ACTR3C: variants seen among roughly 807,000 people sequenced by gnomAD.
ACTR3C encodes the protein actin-related protein 3C.
Under a neutral mutation model 26.3 loss-of-function variants are expected in ACTR3C, and 18 were observed. That is an observed-to-expected ratio of 0.68 (90% CI 0.47 to 1.01). ACTR3C has a LOEUF of 1.01. Among genes scored for constraint, ACTR3C ranks in the 50% least tolerant of loss-of-function variants. The pLI, the probability that ACTR3C is intolerant of heterozygous loss-of-function variation, is 0.00. For missense variants in ACTR3C, 184 were observed against 250.7 expected, an observed-to-expected ratio of 0.73 and a Z score of 1.80; for synonymous variants, 55 against 94.5, an observed-to-expected ratio of 0.58 and a Z score of 2.42.
At chr7:150,283,950 A>G (rs1283124952) in intron 6 of ACTR3C, among the ~76,000 whole-genome samples, 1 of 151,204 alleles carries the variant, frequency 6.6e-6, no homozygotes, top group East Asian at 1.9e-4. Context: ...CAATAATCAT[A>G]TAGACTAGAT....
At chr7:149,949,055 C>T in the ACTR3C span, among the ~76,000 whole-genome samples, 9 of 147,002 alleles carry the variant, frequency 6.1e-5, no homozygotes, top group South Asian at 8.5e-4. Context: ...GCAGCTCACA[C>T]TTGTAATCCC....
intron 4 of ACTR3C, among the ~76,000 whole-genome samples, chr7:150,287,594 T>C (rs1010922208): frequency 6.6e-6 from 1 of 152,192 alleles, no homozygotes; most frequent in African/African-American, 2.4e-5. Context: ...CTGAGCACAC[T>C]GTGGAAGGAA....
chr7:149,892,729 C>T, the ACTR3C span, among the ~76,000 whole-genome samples: 1 of 118,554 alleles, frequency 8.4e-6, no homozygotes, highest in African/African-American at 2.7e-5. Context: ...TCAGTAGGTT[C>T]CAAATTTAAA....
At chr7:149,981,064 G>A in the ACTR3C span, among the ~76,000 whole-genome samples, 2 of 151,944 alleles carry the variant, frequency 1.3e-5, no homozygotes, top group African/African-American at 4.8e-5. Context: ...AATAACTTCT[G>A]TAAGTTTGTA....
the ACTR3C span, among the ~76,000 whole-genome samples, chr7:150,121,095 A>G: frequency 1.3e-5 from 2 of 152,216 alleles, no homozygotes; most frequent in African/African-American, 4.8e-5. Context: ...CAAAATAATA[A>G]GAACTATTTA....
chr7:150,199,653 TAA>T, the ACTR3C span, among the ~76,000 whole-genome samples: 99 of 74,860 alleles, frequency 1.3e-3, no homozygotes, highest in African/African-American at 3.5e-3. Context: ...AAAAAATAAA[TAA>T]AAAAAAATAA....
At chr7:150,112,922 C>A in the ACTR3C span, among the ~76,000 whole-genome samples, 1 of 152,188 alleles carries the variant, frequency 6.6e-6, no homozygotes, top group Non-Finnish European at 1.5e-5. Flanking sequence ...TGTATTTATG[C>A]TGCTGCATCA....
chr7:150,039,187 G>A, the ACTR3C span, among the ~76,000 whole-genome samples: 44 of 147,084 alleles, frequency 3.0e-4, no homozygotes, highest in African/African-American at 2.5e-4. Flanking sequence ...TCCCCGCCTC[G>A]CGGGGGGTGC....
the ACTR3C span, among the ~76,000 whole-genome samples, chr7:150,028,720 C>A: frequency 6.6e-6 from 1 of 152,232 alleles, no homozygotes; most frequent in Non-Finnish European, 1.5e-5. Context: ...GTGCTACGTG[C>A]CTCGGGTTCG....
At chr7:150,123,774 C>T in the ACTR3C span, among the ~76,000 whole-genome samples, 2 of 152,170 alleles carry the variant, frequency 1.3e-5, no homozygotes, top group East Asian at 3.9e-4. Context: ...GAGCCAGAAG[C>T]TCCTGCAGCT....
At chr7:149,965,016 T>G in the ACTR3C span, among the ~76,000 whole-genome samples, 2 of 152,122 alleles carry the variant, frequency 1.3e-5, no homozygotes, top group African/African-American at 4.8e-5. Context: ...TATGTAAGAG[T>G]GTAAAAATGA....
At chr7:150,300,223 T>G (rs977556479) in intron 1 of ACTR3C, among the ~76,000 whole-genome samples, 1 of 151,924 alleles carries the variant, frequency 6.6e-6, no homozygotes, top group South Asian at 2.1e-4. Flanking sequence ...TGGTGGCACA[T>G]ACCTGTAGTC....
chr7:150,287,466 A>T (rs1406026066), intron 4 of ACTR3C, among the ~76,000 whole-genome samples: 1 of 151,914 alleles, frequency 6.6e-6, no homozygotes, highest in Non-Finnish European at 1.5e-5. Flanking sequence ...GGTAAGATGA[A>T]TGTTCTTGGA....
At chr7:149,899,602 T>TAAAAAAAA in the ACTR3C span, among the ~76,000 whole-genome samples, 963 of 118,080 alleles carry the variant, frequency 8.2e-3, 1 homozygote, top group Middle Eastern at 0.027. Context: ...CTGGAAGAAG[T>TAAAAAAAA]AAAAAAAAAA....
the ACTR3C span, among the ~76,000 whole-genome samples, chr7:149,891,642 T>C: frequency 2.6e-5 from 4 of 151,548 alleles, no homozygotes; most frequent in East Asian, 3.9e-4. Flanking sequence ...CTGGGCAACA[T>C]AGCAAGACAC....
chr7:149,977,270 G>T, the ACTR3C span, among the ~76,000 whole-genome samples: 1 of 152,170 alleles, frequency 6.6e-6, no homozygotes, highest in African/African-American at 2.4e-5. Context: ...CTTCAAGGTG[G>T]CGAGTCAACA....
chr7:150,033,708 A>C, the ACTR3C span, among the ~76,000 whole-genome samples: 2 of 151,310 alleles, frequency 1.3e-5, no homozygotes, highest in Admixed American at 6.6e-5. Context: ...TGGGGGTACT[A>C]ACAACCAGGG....
At chr7:150,096,350 C>T in the ACTR3C span, among the ~76,000 whole-genome samples, 1 of 151,224 alleles carries the variant, frequency 6.6e-6, no homozygotes, top group Non-Finnish European at 1.5e-5. Context: ...GTAAATGTCA[C>T]CCTCCTCACC....
chr7:150,165,396 A>G, the ACTR3C span, among the ~76,000 whole-genome samples: 8 of 151,832 alleles, frequency 5.3e-5, no homozygotes, highest in African/African-American at 1.7e-4. Flanking sequence ...TTAACTTTTA[A>G]TGAACCATGG....
Sources: gnomAD v4.1 joint callset for allele counts (sites outside exome capture counted in the v4.1 genomes callset) on GRCh38, gnomAD v4.1.1 for gene constraint, MANE v1.5 for transcripts, NCBI Gene and HGNC (gene_info 2026-07-23, HGNC 2026-07-21) for gene names.